CNTNAP2: variants seen among roughly 807,000 people sequenced by gnomAD.
The protein encoded by CNTNAP2 is contactin associated protein 2.
A neutral mutation model predicts 155.2 loss-of-function variants in CNTNAP2; 98 were observed. The ratio of observed to expected loss-of-function variants is 0.63; its 90% CI spans 0.54 to 0.75. CNTNAP2 has a LOEUF of 0.75. Among genes scored for constraint, CNTNAP2 ranks in the 30% least tolerant of loss-of-function variants. CNTNAP2 has a pLI of 0.00. For synonymous variants in CNTNAP2, 651 were observed against 631.2 expected (o/e 1.03, Z -0.47); for missense variants, 1,727 against 1,688.1 (o/e 1.02, Z -0.40).
chr7:147,402,175 G>A (rs985518174), intron 10 of CNTNAP2, among the ~76,000 whole-genome samples: 1 of 152,140 alleles, frequency 6.6e-6, no homozygotes, highest in Non-Finnish European at 1.5e-5. Flanking sequence ...CTCAGTCAAA[G>A]GTAAACTTCC....
chr7:147,165,191 C>A (rs1288671847), intron 8 of CNTNAP2, among the ~76,000 whole-genome samples: 1 of 151,876 alleles, frequency 6.6e-6, no homozygotes, highest in Non-Finnish European at 1.5e-5. Context: ...TATGGCCATT[C>A]TTGCAGGAGT....
intron 8 of CNTNAP2, among the ~76,000 whole-genome samples, chr7:147,138,206 G>T (rs1801527146): frequency 6.6e-6 from 1 of 151,714 alleles, no homozygotes; most frequent in South Asian, 2.1e-4. Flanking sequence ...GGCGAAAATG[G>T]AGCCTAAGAA....
At chr7:146,887,463 G>T (rs1021379666) in intron 3 of CNTNAP2, among the ~76,000 whole-genome samples, 1 of 152,018 alleles carries the variant, frequency 6.6e-6, no homozygotes, top group African/African-American at 2.4e-5. Context: ...TAAGTACATG[G>T]TTTTTATTTA....
chr7:146,784,979 T>C (rs976442953), intron 2 of CNTNAP2, among the ~76,000 whole-genome samples: 2 of 152,026 alleles, frequency 1.3e-5, no homozygotes, highest in Non-Finnish European at 2.9e-5. Flanking sequence ...TTTGCTTTTT[T>C]TTTTTTTTTC....
At chr7:146,344,137 G>T (rs1215189921) in intron 1 of CNTNAP2, among the ~76,000 whole-genome samples, 1 of 152,012 alleles carries the variant, frequency 6.6e-6, no homozygotes, top group East Asian at 1.9e-4. Flanking sequence ...TTTTTTTGTT[G>T]CAATGATTCT....
At chr7:147,443,180 G>A (rs1584950965) in intron 10 of CNTNAP2, among the ~76,000 whole-genome samples, 1 of 152,260 alleles carries the variant, frequency 6.6e-6, no homozygotes, top group Non-Finnish European at 1.5e-5. Flanking sequence ...GAGGCTTGTG[G>A]GAACTCAAGC....
chr7:148,316,444 C>T (rs1231733383), intron 21 of CNTNAP2, among the ~76,000 whole-genome samples: 1 of 152,070 alleles, frequency 6.6e-6, no homozygotes, highest in East Asian at 1.9e-4. Flanking sequence ...CCCTACTGCC[C>T]ACAGTCATAA....
At chr7:148,147,757 A>G in intron 17 of CNTNAP2, 48 bp downstream of exon 17, 1 of 1,533,568 alleles carries the variant, frequency 6.5e-7, no homozygotes. Context: ...GATTTTTAAG[A>G]GCCTGCACAA....
At chr7:147,345,344 A>C (rs1418720417) in intron 9 of CNTNAP2, among the ~76,000 whole-genome samples, 2 of 152,184 alleles carry the variant, frequency 1.3e-5, no homozygotes, top group Non-Finnish European at 2.9e-5. Context: ...TTTATGTAAA[A>C]GCTTACATAA....
At chr7:146,231,209 T>A (rs892125382) in intron 1 of CNTNAP2, among the ~76,000 whole-genome samples, 4 of 152,066 alleles carry the variant, frequency 2.6e-5, no homozygotes, top group Non-Finnish European at 2.9e-5. Context: ...AAAATAGATA[T>A]GGATCAAGTA....
At chr7:146,914,744 G>T (rs897247686) in intron 3 of CNTNAP2, among the ~76,000 whole-genome samples, 7 of 152,074 alleles carry the variant, frequency 4.6e-5, no homozygotes, top group Non-Finnish European at 1.0e-4. Context: ...CCACTCTGTG[G>T]GTTGTCTCTT....
chr7:146,385,491 C>T (rs1237097414), intron 1 of CNTNAP2, among the ~76,000 whole-genome samples: 2 of 152,166 alleles, frequency 1.3e-5, no homozygotes, highest in Admixed American at 1.3e-4. Context: ...AGTTAATTCA[C>T]GTCATGCCTC....
chr7:148,041,969 C>T (rs1802686260), intron 15 of CNTNAP2, among the ~76,000 whole-genome samples: 1 of 152,188 alleles, frequency 6.6e-6, no homozygotes, highest in Non-Finnish European at 1.5e-5. Context: ...TTCAGAAATG[C>T]ATTCATGCAT....
chr7:146,305,466 G>C (rs1400832515), intron 1 of CNTNAP2, among the ~76,000 whole-genome samples: 3 of 152,086 alleles, frequency 2.0e-5, no homozygotes, highest in Non-Finnish European at 4.4e-5. Flanking sequence ...TGGTGTGGAT[G>C]TCCTTTCTGT....
chr7:146,796,913 G>T (rs1178915517), intron 2 of CNTNAP2, among the ~76,000 whole-genome samples: 2 of 152,134 alleles, frequency 1.3e-5, no homozygotes, highest in African/African-American at 4.8e-5. Flanking sequence ...GAGGCAGGCA[G>T]ATCACGAGGT....
chr7:147,906,196 T>C (rs908445338), intron 14 of CNTNAP2, among the ~76,000 whole-genome samples: 2 of 151,134 alleles, frequency 1.3e-5, no homozygotes, highest in Non-Finnish European at 2.9e-5. Flanking sequence ...GTTGAAAACA[T>C]AGATTTTTTT....
At chr7:147,215,154 A>G (rs1415016390) in intron 8 of CNTNAP2, among the ~76,000 whole-genome samples, 2 of 152,166 alleles carry the variant, frequency 1.3e-5, no homozygotes, top group African/African-American at 4.8e-5. Context: ...AATTATATCA[A>G]TGAAGTGTGG....
chr7:146,513,146 C>T (rs1047343513), intron 1 of CNTNAP2, among the ~76,000 whole-genome samples: 1 of 151,838 alleles, frequency 6.6e-6, no homozygotes, highest in South Asian at 2.1e-4. Flanking sequence ...TACTTGGAAA[C>T]TTTTGCCATT....
chr7:148,387,100 G>A (rs1168579004), intron 22 of CNTNAP2, among the ~76,000 whole-genome samples: 3 of 152,092 alleles, frequency 2.0e-5, no homozygotes, highest in Non-Finnish European at 4.4e-5. Flanking sequence ...GGGAGGTATG[G>A]CAGCCTCATT....
Sources: gnomAD v4.1 joint callset for allele counts (sites outside exome capture counted in the v4.1 genomes callset) on GRCh38, gnomAD v4.1.1 for gene constraint, MANE v1.5 for transcripts, NCBI Gene and HGNC (gene_info 2026-07-23, HGNC 2026-07-21) for gene names.